Variants in RGS17 observed in about 807,000 individuals in gnomAD.
RGS17 encodes regulator of G-protein signaling 17.
A neutral mutation model predicts 25.5 loss-of-function variants in RGS17; 12 were observed. The ratio of observed to expected loss-of-function variants is 0.47; its 90% confidence interval spans 0.30 to 0.76. The LOEUF (loss-of-function observed/expected upper bound fraction) is 0.76, where lower values mean the gene tolerates loss of function less well. RGS17 is among the 30% of genes least tolerant of loss of function. The pLI, the probability that RGS17 is intolerant of heterozygous loss-of-function variation, is 0.07. For missense variants in RGS17, 196 were observed against 242.2 expected (o/e 0.81, Z 1.27); for synonymous variants, 71 against 76.9 (o/e 0.92, Z 0.40).
chr6:153,070,673 T>TTGTGTGTG (rs55655703), intron 1 of RGS17, among the ~76,000 whole-genome samples: 2,255 of 145,038 alleles, frequency 0.016, 35 homozygotes, highest in Middle Eastern at 0.04. Flanking sequence ...ACATGGAAGA[T>TTGTGTGTG]TGTGTGTGTG....
chr6:153,034,697 C>T (rs1203017431), intron 2 of RGS17, among the ~76,000 whole-genome samples: 1 of 152,150 alleles, frequency 6.6e-6, no homozygotes, highest in Admixed American at 6.5e-5. Context: ...TTATCCCATA[C>T]AGCCTCTTGA....
chr6:153,125,378 C>T (rs1356247867), intron 1 of RGS17, among the ~76,000 whole-genome samples: 1 of 152,072 alleles, frequency 6.6e-6, no homozygotes, highest in African/African-American at 2.4e-5. Context: ...GTATAAAATA[C>T]TTCTATAATT....
At chr6:153,025,910 T>A (rs954693733) in intron 3 of RGS17, among the ~76,000 whole-genome samples, 6 of 151,320 alleles carry the variant, frequency 4.0e-5, no homozygotes, top group African/African-American at 1.5e-4. Flanking sequence ...CCATGAAGCA[T>A]CATTAAAACC....
intron 4 of RGS17, among the ~76,000 whole-genome samples, chr6:153,013,836 G>C (rs574751529): frequency 2.0e-5 from 3 of 152,324 alleles, no homozygotes; most frequent in Admixed American, 2.0e-4. Flanking sequence ...AGGAAGCTGT[G>C]TAAGAAAAGT....
intron 1 of RGS17, among the ~76,000 whole-genome samples, chr6:153,059,264 A>C (rs1275212525): frequency 6.6e-6 from 1 of 152,196 alleles, no homozygotes; most frequent in Non-Finnish European, 1.5e-5. Context: ...GTTTTGGCTC[A>C]TGTATATCTA....
At chr6:153,057,495 G>A (rs924931746) in intron 1 of RGS17, among the ~76,000 whole-genome samples, 7 of 152,102 alleles carry the variant, frequency 4.6e-5, no homozygotes, top group Non-Finnish European at 1.0e-4. Context: ...TACAAATCTT[G>A]CCTCTGTTAT....
chr6:153,088,787 C>T (rs890220548), intron 1 of RGS17, among the ~76,000 whole-genome samples: 6 of 152,116 alleles, frequency 3.9e-5, no homozygotes, highest in Admixed American at 2.6e-4. Context: ...GTGCAGGTAG[C>T]TTATTTTGGG....
intron 3 of RGS17, among the ~76,000 whole-genome samples, chr6:153,025,982 G>T (rs1779297918): frequency 6.6e-6 from 1 of 151,990 alleles, no homozygotes; most frequent in South Asian, 2.1e-4. Context: ...TTTGTATTTT[G>T]ATTTTAGTCC....
rs1206514072 is a variant in RGS17, at chr6:153,033,755, T to TA, written c.120-7213dup. On this transcript the variant is annotated intron_variant, in intron 2 of 4. Transcript: ENST00000206262. ...TAAATAAATAAAAATAAAATAAAAA[T>TA]AAAAAATACATGCCAATCATCAGAA... 5.9e-5 allele frequency among the ~76,000 whole-genome samples: 9 copies of TA among 151,940 alleles called. No homozygotes were observed. In the East Asian group the frequency reaches 9.6e-4, roughly 16 times the overall value.
chr6:153,070,898 C>T (rs757505295), intron 1 of RGS17, among the ~76,000 whole-genome samples: 24 of 149,094 alleles, frequency 1.6e-4, no homozygotes, highest in South Asian at 4.2e-4. Flanking sequence ...TGTACATATG[C>T]GTATATGTAC....
intron 1 of RGS17, among the ~76,000 whole-genome samples, chr6:153,111,892 T>A (rs1208953416): frequency 6.6e-6 from 1 of 151,982 alleles, no homozygotes. Context: ...AGCATCAACA[T>A]CAACAAAAAG....
chr6:153,027,275 A>G (rs1053237539), intron 2 of RGS17, among the ~76,000 whole-genome samples: 11 of 152,130 alleles, frequency 7.2e-5, no homozygotes, highest in African/African-American at 2.7e-4. Context: ...GTAGCCCAGA[A>G]CAAGAATAAG....
intron 1 of RGS17, among the ~76,000 whole-genome samples, chr6:153,103,097 G>A (rs1451694927): frequency 1.3e-5 from 2 of 152,186 alleles, no homozygotes; most frequent in Non-Finnish European, 2.9e-5. Context: ...GCACTCTTCA[G>A]TTATTCTTTT....
intron 1 of RGS17, among the ~76,000 whole-genome samples, chr6:153,105,279 T>C (rs565855886): frequency 1.3e-4 from 20 of 152,238 alleles, no homozygotes; most frequent in Non-Finnish European, 2.4e-4. Flanking sequence ...CTGTCTACCT[T>C]GTTGCTGTGC....
At chr6:153,012,044 T>C (rs1368083539) in intron 4 of RGS17, among the ~76,000 whole-genome samples, 1 of 152,236 alleles carries the variant, frequency 6.6e-6, no homozygotes, top group South Asian at 2.1e-4. Flanking sequence ...TCAGGAGTTT[T>C]TGACAATTTC....
At chr6:153,120,578 C>A (rs1777614603) in intron 1 of RGS17, among the ~76,000 whole-genome samples, 1 of 152,188 alleles carries the variant, frequency 6.6e-6, no homozygotes, top group Non-Finnish European at 1.5e-5. Flanking sequence ...CGCCCCCCTG[C>A]ATGGACTGAT....
chr6:153,046,776 A>G (rs1284457572), intron 1 of RGS17, among the ~76,000 whole-genome samples: 4 of 152,110 alleles, frequency 2.6e-5, no homozygotes, highest in African/African-American at 9.7e-5. Flanking sequence ...GATTTTCTTC[A>G]TAAGGGGAAA....
At chr6:153,052,164 G>A (rs1480693707) in intron 1 of RGS17, among the ~76,000 whole-genome samples, 1 of 152,116 alleles carries the variant, frequency 6.6e-6, no homozygotes, top group African/African-American at 2.4e-5. Context: ...GAGCTGTGGA[G>A]GTTTGGTGCC....
chr6:153,100,979 T>C (rs900239329), intron 1 of RGS17, among the ~76,000 whole-genome samples: 2 of 152,248 alleles, frequency 1.3e-5, no homozygotes, highest in African/African-American at 4.8e-5. Flanking sequence ...AACATGTGGC[T>C]GTACTGGAGT....
Sources: allele counts gnomAD v4.1 joint callset (sites outside exome capture counted in the v4.1 genomes callset), GRCh38; gene constraint gnomAD v4.1.1; transcripts MANE v1.5; gene names NCBI Gene and HGNC (gene_info 2026-07-23, HGNC 2026-07-21).